The following LYPLAL1 variants were observed in gnomAD, a reference collection of about 807,000 sequenced individuals.
LYPLAL1 encodes lysophospholipase like 1.
In LYPLAL1, 23 loss-of-function variants were observed where a neutral mutation model predicts 19.7. The observed-to-expected ratio is 1.17, with a 90% CI of 0.84 to 1.65. The LOEUF is 1.65. LYPLAL1 is among the 40% of genes most tolerant of loss of function. LYPLAL1 has a pLI of 0.00. For synonymous variants in LYPLAL1, 119 were observed against 96.3 expected (o/e 1.24, Z -1.38); for missense variants, 355 against 279.4 (o/e 1.27, Z -1.93).
the LYPLAL1 span, among the ~76,000 whole-genome samples, chr1:219,440,448 A>G: frequency 6.6e-6 from 1 of 152,118 alleles, no homozygotes; most frequent in Non-Finnish European, 1.5e-5. Context: ...CATGTACCAT[A>G]GAGAAAACAT....
At chr1:219,357,759 A>G in the LYPLAL1 span, among the ~76,000 whole-genome samples, 1 of 152,228 alleles carries the variant, frequency 6.6e-6, no homozygotes, top group Non-Finnish European at 1.5e-5. Context: ...TGTTCATAAT[A>G]GCTTTGTTTA....
chr1:219,437,350 T>C, the LYPLAL1 span, among the ~76,000 whole-genome samples: 1 of 152,148 alleles, frequency 6.6e-6, no homozygotes, highest in African/African-American at 2.4e-5. Flanking sequence ...CATCCTGTTT[T>C]CTTTCTCTCT....
At chr1:219,277,836 A>G in the LYPLAL1 span, among the ~76,000 whole-genome samples, 2 of 152,156 alleles carry the variant, frequency 1.3e-5, no homozygotes, top group African/African-American at 4.8e-5. Flanking sequence ...AATTAATTCA[A>G]TTCACTGGCT....
chr1:219,338,062 C>A, the LYPLAL1 span, among the ~76,000 whole-genome samples: 2 of 151,982 alleles, frequency 1.3e-5, no homozygotes, highest in African/African-American at 4.8e-5. Flanking sequence ...TGATGAGGGA[C>A]CACTCCTTCC....
chr1:219,182,893 T>A (rs1242584004), intron 2 of LYPLAL1, among the ~76,000 whole-genome samples: 2 of 152,002 alleles, frequency 1.3e-5, no homozygotes, highest in Non-Finnish European at 2.9e-5. Flanking sequence ...ATCTAATCTC[T>A]TGTTACATGG....
chr1:219,257,191 T>C, the LYPLAL1 span, among the ~76,000 whole-genome samples: 4 of 152,022 alleles, frequency 2.6e-5, no homozygotes, highest in Non-Finnish European at 4.4e-5. Context: ...GTTTAACATT[T>C]TTTGAAGTTT....
the LYPLAL1 span, among the ~76,000 whole-genome samples, chr1:219,244,171 A>G: frequency 6.6e-6 from 1 of 152,222 alleles, no homozygotes; most frequent in South Asian, 2.1e-4. Flanking sequence ...ACTGAGGATT[A>G]TTAAGTGACC....
chr1:219,382,995 TG>T, the LYPLAL1 span, among the ~76,000 whole-genome samples: 1 of 152,166 alleles, frequency 6.6e-6, no homozygotes, highest in South Asian at 2.1e-4. Context: ...TATAAAAACA[TG>T]AAATCAACAA....
chr1:219,373,457 G>T, the LYPLAL1 span, among the ~76,000 whole-genome samples: 1 of 152,060 alleles, frequency 6.6e-6, no homozygotes, highest in Non-Finnish European at 1.5e-5. Flanking sequence ...GGGGTGTCTT[G>T]GTCTCTTCTG....
At chr1:219,428,312 T>A in the LYPLAL1 span, among the ~76,000 whole-genome samples, 2 of 152,244 alleles carry the variant, frequency 1.3e-5, no homozygotes, top group South Asian at 4.1e-4. Context: ...CTAGTGGAAC[T>A]CGAGTTTTGC....
chr1:219,325,027 C>T, the LYPLAL1 span, among the ~76,000 whole-genome samples: 2 of 152,144 alleles, frequency 1.3e-5, no homozygotes, highest in African/African-American at 4.8e-5. Context: ...TAGACTGAGG[C>T]TAGTTCCTAT....
chr1:219,256,371 AATATCTT>A, the LYPLAL1 span, among the ~76,000 whole-genome samples: 10 of 151,858 alleles, frequency 6.6e-5, no homozygotes, highest in African/African-American at 2.2e-4. Context: ...TTATATTTTG[AATATCTT>A]TACAAAATGT....
rs1187998564 is a variant in LYPLAL1 at position 219,210,520 on chromosome 1, T to A, written c.362-12T>A. On this transcript the variant is annotated splice_polypyrimidine_tract_variant and intron_variant, in intron 3 of 4. Coordinates refer to ENST00000366928, the MANE Select transcript of LYPLAL1 (RefSeq NM_138794.5). Reference sequence around the variant, plus strand: ...TTATGTATTCTACTTTTAAGTATGTTTTTGTTTTTAGGAGGATTCTCTATG... The same window carrying A: ...TTATGTATTCTACTTTTAAGTATGTATTTGTTTTTAGGAGGATTCTCTATG... 2 of 1,493,662 alleles carry A rather than the reference T, an allele frequency of 1.3e-6. No homozygotes were observed. The highest frequency in any genetic ancestry group is 2.5e-5 in the South Asian group (2 of 80,738). The allele number at this position is 1,493,662 out of a possible 1,614,324, so 92.5% of individuals were successfully genotyped here. A position where few individuals can be genotyped will look rare whatever the true frequency, so the allele number is the denominator to read the frequency against.
the LYPLAL1 span, among the ~76,000 whole-genome samples, chr1:219,435,572 A>G: frequency 2.0e-5 from 3 of 152,138 alleles, no homozygotes; most frequent in African/African-American, 7.2e-5. Context: ...CCTGTAATCA[A>G]TCCCAGTACT....
At chr1:219,401,439 C>T in the LYPLAL1 span, among the ~76,000 whole-genome samples, 2 of 151,184 alleles carry the variant, frequency 1.3e-5, no homozygotes, top group Non-Finnish European at 2.9e-5. Context: ...TCCCATACAT[C>T]TATCAAGAGA....
At chr1:219,233,763 C>A in the LYPLAL1 span, among the ~76,000 whole-genome samples, 2 of 52,480 alleles carry the variant, frequency 3.8e-5, no homozygotes, top group African/African-American at 6.0e-5. Flanking sequence ...CAGAGAGAGA[C>A]CCTGTCTCAA....
At chr1:219,385,866 A>AT in the LYPLAL1 span, among the ~76,000 whole-genome samples, 10 of 151,976 alleles carry the variant, frequency 6.6e-5, no homozygotes, top group African/African-American at 1.7e-4. Context: ...TGCTTCATCT[A>AT]TTTTTTTTCT....
At chr1:219,183,572 T>G (rs1262391514) in intron 2 of LYPLAL1, among the ~76,000 whole-genome samples, 1 of 151,990 alleles carries the variant, frequency 6.6e-6, no homozygotes, top group Non-Finnish European at 1.5e-5. Flanking sequence ...GAAAGTTTCC[T>G]TGTGCTTCTT....
the LYPLAL1 span, among the ~76,000 whole-genome samples, chr1:219,392,387 T>A: frequency 3.3e-5 from 5 of 152,200 alleles, no homozygotes; most frequent in Non-Finnish European, 7.3e-5. Flanking sequence ...TTTGTTTGTA[T>A]ATTTAAAATT....
Sources: allele counts gnomAD v4.1 joint callset (sites outside exome capture counted in the v4.1 genomes callset), GRCh38; gene constraint gnomAD v4.1.1; transcripts MANE v1.5; gene names NCBI Gene and HGNC (gene_info 2026-07-23, HGNC 2026-07-21).